The following KANSL1 variants were observed in gnomAD, a reference collection of about 807,000 sequenced individuals.
KANSL1 encodes MLL1/MLL complex subunit KANSL1.
A neutral mutation model predicts 103.6 loss-of-function variants in KANSL1; 22 were observed. That is an observed-to-expected ratio of 0.21 (90% confidence interval 0.15 to 0.30). KANSL1 has a LOEUF of 0.30. Ranked by LOEUF, KANSL1 falls within the 10% of genes least tolerant of loss-of-function variation. The probability of loss-of-function intolerance (pLI) is 1.00; values close to 1 mark genes in which losing one functional copy is unlikely to be tolerated. For synonymous variants in KANSL1, 600 were observed against 527.6 expected (o/e 1.14, Z -1.88); for missense variants, 1,337 against 1,399.8 (o/e 0.96, Z 0.72).
intron 5 of KANSL1, among the ~76,000 whole-genome samples, chr17:46,067,270 A>G (rs1260321799): frequency 6.6e-6 from 1 of 152,216 alleles, no homozygotes; most frequent in Non-Finnish European, 1.5e-5. Flanking sequence ...TAATATAAGC[A>G]CTTCTGAGGA....
At chr17:46,136,965 C>CA (rs1454850786) in intron 2 of KANSL1, among the ~76,000 whole-genome samples, 2 of 152,178 alleles carry the variant, frequency 1.3e-5, no homozygotes, top group South Asian at 2.1e-4. Context: ...AGCTAAACCT[C>CA]AAAAAAATTG....
At chr17:46,127,725 C>A (rs143450952) in intron 2 of KANSL1, among the ~76,000 whole-genome samples, 3 of 151,962 alleles carry the variant, frequency 2.0e-5, no homozygotes, top group African/African-American at 7.3e-5. Flanking sequence ...GTGCAGTGAG[C>A]CGAGATTGCA....
chr17:46,036,942 C>A (rs1039087816), intron 10 of KANSL1, among the ~76,000 whole-genome samples: 1 of 152,132 alleles, frequency 6.6e-6, no homozygotes, highest in Non-Finnish European at 1.5e-5. Flanking sequence ...GAACTCCTGA[C>A]CTCAAGTGAT....
rs1234155203 is a variant in KANSL1, at chr17:46,193,029, A to C, written c.-296T>G. ...GGGGGGCGAGGCAGAGGGGGAGGGG[A>C]AGGCGGCGGCGGGGAGCGGCTGCTT... On this transcript the variant is annotated 5_prime_UTR_variant, in exon 1 of 15. Coordinates refer to ENST00000432791, the MANE Select transcript of KANSL1 (RefSeq NM_015443.4). The C allele has an allele frequency of 6.5e-6, 1 of 152,982 alleles. No individual in the cohort carries two copies. Among genetic ancestry groups the C allele is most frequent in the Non-Finnish European group, 1.4e-5 (1 of 69,182 alleles). The allele number at this position is 152,982 out of a possible 1,614,324, so 9.5% of individuals were successfully genotyped here. A position where few individuals can be genotyped will look rare whatever the true frequency, so the allele number is the denominator to read the frequency against.
At chr17:46,185,524 A>C (rs988193158) in intron 1 of KANSL1, among the ~76,000 whole-genome samples, 2 of 152,202 alleles carry the variant, frequency 1.3e-5, no homozygotes, top group Non-Finnish European at 2.9e-5. Flanking sequence ...CACTTCTAGA[A>C]ATCTATTCAA....
At chr17:46,053,681 C>T (rs2077810567) in intron 6 of KANSL1, among the ~76,000 whole-genome samples, 3 of 152,212 alleles carry the variant, frequency 2.0e-5, no homozygotes, top group Middle Eastern at 6.8e-3. Flanking sequence ...GTGATCTGCC[C>T]GCCTCGGCCT....
chr17:46,069,705 C>G (rs2078507277), intron 4 of KANSL1, among the ~76,000 whole-genome samples: 1 of 152,086 alleles, frequency 6.6e-6, no homozygotes, highest in Non-Finnish European at 1.5e-5. Context: ...AATCACGCCA[C>G]TGCACTGCAG....
intron 1 of KANSL1, among the ~76,000 whole-genome samples, chr17:46,176,584 G>T (rs185442434): frequency 8.0e-4 from 122 of 152,188 alleles, no homozygotes; most frequent in African/African-American, 2.7e-3. Context: ...CCAGCTACCT[G>T]GGAGGCTGAG....
chr17:46,142,466 T>A (rs868153075), intron 2 of KANSL1, among the ~76,000 whole-genome samples: 37 of 151,852 alleles, frequency 2.4e-4, no homozygotes, highest in Middle Eastern at 6.8e-3. Flanking sequence ...AAAAAAAAAT[T>A]TTTTAATAAG....
chr17:46,174,946 A>T (rs2046449497), intron 1 of KANSL1, among the ~76,000 whole-genome samples: 1 of 152,240 alleles, frequency 6.6e-6, no homozygotes. Flanking sequence ...ATAAGCCGCC[A>T]TGCCCAGCCT....
At chr17:46,113,467 TG>T (rs1358834253) in intron 2 of KANSL1, among the ~76,000 whole-genome samples, 1 of 152,124 alleles carries the variant, frequency 6.6e-6, no homozygotes, top group Non-Finnish European at 1.5e-5. Context: ...GCAGAGTATG[TG>T]GGGAAAGTAA....
At chr17:46,197,189 C>G (rs376109699), upstream of KANSL1, among the ~76,000 whole-genome samples, 16 of 152,354 alleles carry the variant, frequency 1.1e-4, no homozygotes, top group African/African-American at 3.1e-4. Flanking sequence ...ACACACAGCT[C>G]TGTATCCATC....
At chr17:46,118,007 A>G (rs2043117071) in intron 2 of KANSL1, among the ~76,000 whole-genome samples, 1 of 152,226 alleles carries the variant, frequency 6.6e-6, no homozygotes, top group Non-Finnish European at 1.5e-5. Context: ...TCTGGAGAAC[A>G]TAACATTTCT....
rs1032124654 is a variant in KANSL1 at position 46,110,402 on chromosome 17, C to T, written c.1290-15701G>A. Among the ~76,000 whole-genome samples the T allele has an allele frequency of 3.9e-5, 6 of 152,172 alleles. No individual in the cohort carries two copies. In the East Asian group the frequency reaches 7.7e-4, roughly 20 times the overall value. On this transcript the variant is annotated intron_variant, in intron 2 of 14. Transcript: ENST00000432791. ...AATTCACGAAATCCTCATTAAAACCCTGTCAAGTGGGTATTATGATCATCA... is the reference window on the plus strand; with the variant it reads ...AATTCACGAAATCCTCATTAAAACCTTGTCAAGTGGGTATTATGATCATCA...
intron 1 of KANSL1, among the ~76,000 whole-genome samples, chr17:46,200,759 A>T (rs778937425): frequency 8.6e-5 from 13 of 151,936 alleles, no homozygotes; most frequent in East Asian, 3.9e-4. Flanking sequence ...ATATATATAT[A>T]TATTTTTCTT....
At chr17:46,163,739 A>C (rs1001735023) in intron 2 of KANSL1, among the ~76,000 whole-genome samples, 1 of 152,200 alleles carries the variant, frequency 6.6e-6, no homozygotes, top group African/African-American at 2.4e-5. Flanking sequence ...GCCCCCACAC[A>C]TCACAGTTAT....
chr17:46,158,582 C>T (rs1323359607), intron 2 of KANSL1, among the ~76,000 whole-genome samples: 2 of 152,172 alleles, frequency 1.3e-5, no homozygotes, highest in Non-Finnish European at 2.9e-5. Context: ...GCTCTATCGC[C>T]CAGGCTGGAG....
intron 7 of KANSL1, among the ~76,000 whole-genome samples, chr17:46,047,740 A>G (rs2077561968): frequency 6.6e-6 from 1 of 151,222 alleles, no homozygotes; most frequent in African/African-American, 2.4e-5. Context: ...GTGAGCTGTG[A>G]TCACTCCACT....
chr17:46,160,456 C>T (rs1175759101), intron 2 of KANSL1, among the ~76,000 whole-genome samples: 7 of 152,140 alleles, frequency 4.6e-5, no homozygotes, highest in Admixed American at 2.0e-4. Context: ...CATGCCACCA[C>T]GCCTGGCTAC....
Sources: allele counts gnomAD v4.1 joint callset (sites outside exome capture counted in the v4.1 genomes callset), GRCh38; gene constraint gnomAD v4.1.1; transcripts MANE v1.5; gene names NCBI Gene and HGNC (gene_info 2026-07-23, HGNC 2026-07-21).